SEMA5A: variants seen among roughly 807,000 people sequenced by gnomAD.
SEMA5A encodes the protein semaphorin-5A.
A neutral mutation model predicts 135.5 loss-of-function variants in SEMA5A; 55 were observed. The observed-to-expected ratio is 0.41, with a 90% CI of 0.33 to 0.51. The LOEUF (loss-of-function observed/expected upper bound fraction) is 0.51, where lower values mean the gene tolerates loss of function less well. Ranked by LOEUF, SEMA5A falls within the 20% of genes least tolerant of loss-of-function variation. The pLI, the probability that SEMA5A is intolerant of heterozygous loss-of-function variation, is 0.37. For missense variants in SEMA5A, 1,290 were observed against 1,419.9 expected (o/e 0.91, Z 1.47); for synonymous variants, 580 against 546.5 (o/e 1.06, Z -0.85).
intron 16 of SEMA5A, among the ~76,000 whole-genome samples, chr5:9,072,330 G>C (rs1482912306): frequency 2.6e-5 from 4 of 152,172 alleles, no homozygotes; most frequent in Admixed American, 2.6e-4. Flanking sequence ...AGGTTTGGGA[G>C]CTGGAGAATG....
chr5:9,419,706 T>C (rs1175709607), intron 2 of SEMA5A, among the ~76,000 whole-genome samples: 1 of 152,140 alleles, frequency 6.6e-6, no homozygotes, highest in African/African-American at 2.4e-5. Flanking sequence ...ATGGCAGATT[T>C]AACATTTTAT....
At chr5:9,330,710 G>C (rs1008041399) in intron 4 of SEMA5A, among the ~76,000 whole-genome samples, 3 of 152,072 alleles carry the variant, frequency 2.0e-5, no homozygotes. Flanking sequence ...TCAAATAAGC[G>C]AATTAGAAGA....
intron 12 of SEMA5A, among the ~76,000 whole-genome samples, chr5:9,148,348 T>C (rs1004487437): frequency 1.3e-5 from 2 of 152,098 alleles, no homozygotes; most frequent in African/African-American, 4.8e-5. Flanking sequence ...CACCTAAACT[T>C]TTCCTGAAAC....
intron 1 of SEMA5A, among the ~76,000 whole-genome samples, chr5:9,480,159 A>T (rs1759821925): frequency 6.6e-6 from 1 of 152,178 alleles, no homozygotes; most frequent in Non-Finnish European, 1.5e-5. Context: ...GCAAGTTGTG[A>T]CAACTAAACC....
At position 9,530,310 on chromosome 5, in the gene SEMA5A, G is replaced by A. The variant is rs960055759; in HGVS notation, c.-175+15274C>T. Reference sequence around the variant, plus strand: ...AGCTGAGTTCAGAGATTTCCATCTTGTATGATATTCACATTTTTATATGTA... The same window carrying A: ...AGCTGAGTTCAGAGATTTCCATCTTATATGATATTCACATTTTTATATGTA... On this transcript the variant is annotated intron_variant, in intron 1 of 22. Transcript: ENST00000382496. Among the ~76,000 whole-genome samples, 8 of 152,138 alleles carry A rather than the reference G, an allele frequency of 5.3e-5. No individual in the cohort carries two copies. In the East Asian group the frequency reaches 1.3e-3, roughly 26 times the overall value.
chr5:9,265,557 A>C (rs1003004165), intron 5 of SEMA5A: 8 of 455,986 alleles, frequency 1.8e-5, no homozygotes, highest in African/African-American at 4.0e-5. Flanking sequence ...AGTATATGTG[A>C]CTCATAAACT....
intron 1 of SEMA5A, among the ~76,000 whole-genome samples, chr5:9,532,476 C>A (rs1419174101): frequency 7.7e-6 from 1 of 129,188 alleles, no homozygotes; most frequent in Non-Finnish European, 1.6e-5. Flanking sequence ...TTAGTAGAGA[C>A]GGGGTTTTGC....
At chr5:9,523,498 C>T (rs1290864841) in intron 1 of SEMA5A, among the ~76,000 whole-genome samples, 1 of 152,128 alleles carries the variant, frequency 6.6e-6, no homozygotes, top group Non-Finnish European at 1.5e-5. Flanking sequence ...TTCAAAAAGC[C>T]AAACAATTAA....
chr5:9,470,473 G>T (rs1759436328), intron 1 of SEMA5A, among the ~76,000 whole-genome samples: 1 of 152,140 alleles, frequency 6.6e-6, no homozygotes, highest in Non-Finnish European at 1.5e-5. Context: ...GAGACAACAT[G>T]ACATATGCAA....
chr5:9,186,198 TGGACACCAGGAGAGATAC>T (rs1744800116), intron 11 of SEMA5A, among the ~76,000 whole-genome samples: 1 of 152,130 alleles, frequency 6.6e-6, no homozygotes, highest in African/African-American at 2.4e-5. Context: ...CCTGGGTGGA[TGGACACCAGGAGAGATAC>T]AGGGCAGTAG....
At position 9,040,994 on chromosome 5, in the gene SEMA5A, TATGGACTTTGAGC is replaced by T. The variant is rs1287555495; in HGVS notation, c.*1890_*1902del. 2.6e-5 allele frequency: 4 copies of T among 152,242 alleles called. No homozygotes were observed. Among genetic ancestry groups the T allele is most frequent in the Admixed American group, 1.3e-4 (2 of 15,296 alleles). 9.4% of individuals were successfully genotyped at this position (152,242 alleles called of 1,614,324 possible). ...ATCCGGCTAGATTTCCCCTACTGAG[TATGGACTTTGAGC>T]ATGTGCATATAGACAGAAGACTCTG... is the stretch of plus-strand genomic sequence containing the variant. On this transcript the variant is annotated 3_prime_UTR_variant, in exon 23 of 23. Transcript: ENST00000382496.
At chr5:9,225,377 C>T (rs548194441) in intron 7 of SEMA5A, among the ~76,000 whole-genome samples, 1 of 118,956 alleles carries the variant, frequency 8.4e-6, no homozygotes, top group Non-Finnish European at 1.6e-5. Flanking sequence ...CACGGTGAAA[C>T]CCCATCTCTA....
chr5:9,353,469 A>G (rs1329661796), intron 3 of SEMA5A, among the ~76,000 whole-genome samples: 2 of 152,126 alleles, frequency 1.3e-5, no homozygotes, highest in Non-Finnish European at 2.9e-5. Context: ...GGGCATATCT[A>G]CTCATACCTC....
At chr5:9,489,847 A>T (rs1238951857) in intron 1 of SEMA5A, among the ~76,000 whole-genome samples, 1 of 152,128 alleles carries the variant, frequency 6.6e-6, no homozygotes, top group Non-Finnish European at 1.5e-5. Context: ...TTCAAGTACC[A>T]CTCAAAATTT....
chr5:9,396,401 C>T (rs1456444159), intron 2 of SEMA5A, among the ~76,000 whole-genome samples: 2 of 152,120 alleles, frequency 1.3e-5, no homozygotes, highest in African/African-American at 4.8e-5. Flanking sequence ...TTTCTGTATT[C>T]TTGATCCTCT....
intron 1 of SEMA5A, among the ~76,000 whole-genome samples, chr5:9,450,775 C>A: frequency 6.7e-6 from 1 of 149,986 alleles, no homozygotes. Flanking sequence ...AAAAAAGAAA[C>A]GGAAAATAGT....
intron 2 of SEMA5A, among the ~76,000 whole-genome samples, chr5:9,406,331 C>T (rs1756886719): frequency 6.6e-6 from 1 of 152,098 alleles, no homozygotes; most frequent in South Asian, 2.1e-4. Flanking sequence ...ACATAAAGAT[C>T]CCAGCCTAGA....
chr5:9,281,915 C>T (rs114615800), intron 5 of SEMA5A, among the ~76,000 whole-genome samples: 1,698 of 150,828 alleles, frequency 0.011, 32 homozygotes, highest in African/African-American at 0.039. Context: ...ACCTCTGCTG[C>T]CTGGGTTCTG....
chr5:9,508,143 G>C (rs979020996), intron 1 of SEMA5A, among the ~76,000 whole-genome samples: 1 of 152,096 alleles, frequency 6.6e-6, no homozygotes, highest in African/African-American at 2.4e-5. Flanking sequence ...AAGATACAAA[G>C]CTTCGAATTT....
Sources: gnomAD v4.1 joint callset for allele counts (sites outside exome capture counted in the v4.1 genomes callset) on GRCh38, gnomAD v4.1.1 for gene constraint, MANE v1.5 for transcripts, NCBI Gene and HGNC (gene_info 2026-07-23, HGNC 2026-07-21) for gene names.